Variants in CNTNAP4 observed in about 807,000 individuals in gnomAD.
CNTNAP4 encodes the protein contactin associated protein family member 4, also known as contactin-associated protein-like 4.
CNTNAP4 carries 98 observed loss-of-function variants against 148.4 expected under a neutral mutation model. That is an observed-to-expected ratio of 0.66 (90% confidence interval 0.56 to 0.78). CNTNAP4 has a LOEUF of 0.78. Among genes scored for constraint, CNTNAP4 ranks in the 30% least tolerant of loss-of-function variants. The pLI is 0.00. For synonymous variants in CNTNAP4, 730 were observed against 565.1 expected, an observed-to-expected ratio of 1.29 and a Z score of -4.14; for missense variants, 1,935 against 1,565.6, an observed-to-expected ratio of 1.24 and a Z score of -3.98.
intron 3 of CNTNAP4, among the ~76,000 whole-genome samples, chr16:76,424,750 C>T (rs1387247696): frequency 2.1e-5 from 3 of 142,196 alleles, no homozygotes; most frequent in Non-Finnish European, 4.6e-5. Context: ...CAGAGTGAGA[C>T]TCGGTCTAAA....
intron 15 of CNTNAP4, among the ~76,000 whole-genome samples, chr16:76,501,929 C>T (rs1207555974): frequency 2.0e-5 from 3 of 151,992 alleles, no homozygotes; most frequent in Non-Finnish European, 4.4e-5. Context: ...ATTAGCCGGG[C>T]GTAGTGGCGG....
chr16:76,519,048 C>T lies in CNTNAP4; in HGVS notation c.2366-2092C>T, dbSNP rs537475908. 2.0e-5 allele frequency among the ~76,000 whole-genome samples: 3 copies of T among 152,236 alleles called. No individual in the cohort carries two copies. The South Asian group carries it at 6.2e-4, about 32-fold the overall frequency. The stretch of plus-strand genomic sequence containing the variant: ...GTGGCCCAGATTCTGGTGGGTGTCT[C>T]TTAGCACAGGGGGTAAAGGGCTGGG... On this transcript the variant is annotated intron_variant, in intron 15 of 23. Transcript: ENST00000611870.
At chr16:76,348,186 C>G (rs982744048) in intron 2 of CNTNAP4, among the ~76,000 whole-genome samples, 3 of 149,564 alleles carry the variant, frequency 2.0e-5, no homozygotes, top group Non-Finnish European at 3.0e-5. Flanking sequence ...TCAAGCGTGA[C>G]TCTTTTTTTT....
At chr16:76,286,836 T>A (rs1215712907) in intron 1 of CNTNAP4, among the ~76,000 whole-genome samples, 1 of 152,236 alleles carries the variant, frequency 6.6e-6, no homozygotes, top group Non-Finnish European at 1.5e-5. Context: ...TTATAATACA[T>A]ATTTACATTT....
chr16:76,447,336 A>ATG (rs1014765105), intron 4 of CNTNAP4, among the ~76,000 whole-genome samples: 1 of 93,470 alleles, frequency 1.1e-5, no homozygotes, highest in African/African-American at 3.2e-5. Flanking sequence ...ATATGAAATT[A>ATG]TGTATATATA....
chr16:76,411,204 A>T (rs986662939), intron 3 of CNTNAP4, among the ~76,000 whole-genome samples: 14 of 151,466 alleles, frequency 9.2e-5, no homozygotes, highest in African/African-American at 3.4e-4. Context: ...AATAAACTGG[A>T]TATTTATTTT....
chr16:76,348,372 T>G (rs1349439705), intron 2 of CNTNAP4, among the ~76,000 whole-genome samples: 1 of 151,976 alleles, frequency 6.6e-6, no homozygotes, highest in African/African-American at 2.4e-5. Flanking sequence ...GGCAGATTTA[T>G]GAATAAGGGA....
intron 7 of CNTNAP4, 125 bp from the exon 8 acceptor site, chr16:76,452,383 C>T (rs1176857062): frequency 4.6e-6 from 4 of 869,708 alleles, no homozygotes; most frequent in Admixed American, 2.3e-5. Flanking sequence ...TTTGGACTGT[C>T]ATGTTGATAG....
Position 76,489,702 on chromosome 16 carries a change from C to T in CNTNAP4, c.1899C>T (p.Ile633=), listed in dbSNP as rs771949676. The part of the protein sequence containing the change: ...YCNMTETAWT[I]IQHNGSDLTR... Reference sequence around the variant, plus strand: ...GCATACAAGAAACTGCATGGACCATCATACAGCACAACGGCTCTGACTTAA... The same window carrying T: ...GCATACAAGAAACTGCATGGACCATTATACAGCACAACGGCTCTGACTTAA... Residue 633 remains isoleucine, a synonymous_variant, in exon 13 of 24, where the codon ATC becomes ATT. Transcript: ENST00000611870. 1.9e-6 allele frequency: 3 copies of T among 1,595,126 alleles called. No homozygotes were observed. The South Asian group carries it at 3.4e-5, about 18-fold the overall frequency.
chr16:76,502,234 A>G (rs1260482974), intron 15 of CNTNAP4, among the ~76,000 whole-genome samples: 1 of 151,692 alleles, frequency 6.6e-6, no homozygotes, highest in African/African-American at 2.4e-5. Context: ...TGCATGAAGG[A>G]CTAAGGACTA....
chr16:76,553,820 TG>T lies in CNTNAP4; in HGVS notation c.3662-15del. The stretch of plus-strand genomic sequence containing the variant: ...TGCCTATATCACCTTCCCCCTTTGT[TG>T]TGCTTTAACTGCAGATCATTCTGGA... On this transcript the variant is annotated splice_polypyrimidine_tract_variant and intron_variant, in intron 22 of 23. Coordinates refer to ENST00000611870, the MANE Select transcript of CNTNAP4 (RefSeq NM_033401.5). 1 of 1,583,748 alleles carries T rather than the reference TG, an allele frequency of 6.3e-7. No individual in the cohort carries two copies.
At chr16:76,470,034 C>T (rs2081309159) in intron 10 of CNTNAP4, among the ~76,000 whole-genome samples, 3 of 152,058 alleles carry the variant, frequency 2.0e-5, no homozygotes. Context: ...TTATGCTAAG[C>T]ACTTAAGATG....
intron 12 of CNTNAP4, among the ~76,000 whole-genome samples, chr16:76,486,406 A>G (rs1403202226): frequency 6.6e-6 from 1 of 152,228 alleles, no homozygotes; most frequent in East Asian, 1.9e-4. Flanking sequence ...TTAGGAACAC[A>G]GAAACAAATG....
chr16:76,328,075 A>G (rs919483189), intron 2 of CNTNAP4, among the ~76,000 whole-genome samples: 7 of 152,196 alleles, frequency 4.6e-5, no homozygotes, highest in Admixed American at 2.0e-4. Context: ...AATAATTTAT[A>G]TAGATTTTCT....
chr16:76,325,042 C>T (rs73620947), intron 2 of CNTNAP4, among the ~76,000 whole-genome samples: 5,626 of 152,108 alleles, frequency 0.037, 358 homozygotes, highest in African/African-American at 0.13. Context: ...AGCCAGCCCT[C>T]GGGGGCAAAG....
chr16:76,528,257 A>G (rs1597072043), intron 17 of CNTNAP4, among the ~76,000 whole-genome samples: 1 of 151,978 alleles, frequency 6.6e-6, no homozygotes, highest in Admixed American at 6.6e-5. Context: ...GTTTTTTGAG[A>G]TTAACATTTT....
chr16:76,319,548 T>C (rs1962186792), intron 2 of CNTNAP4, among the ~76,000 whole-genome samples: 2 of 152,106 alleles, frequency 1.3e-5, no homozygotes, highest in Admixed American at 1.3e-4. Flanking sequence ...AAGGTGACCT[T>C]ATTTGGACAT....
chr16:76,288,127 G>C (rs941550880), intron 1 of CNTNAP4, among the ~76,000 whole-genome samples: 1 of 152,006 alleles, frequency 6.6e-6, no homozygotes, highest in Non-Finnish European at 1.5e-5. Context: ...TACTGTTCTT[G>C]TTATAGTGAA....
At position 76,355,417 on chromosome 16, in the gene CNTNAP4, G is replaced by A. The variant is rs769681418; in HGVS notation, c.296G>A (p.Gly99Glu). ...GTCACCGCTGTGGCCACTCAAGGGG[G>A]ATATGGTAGCTCCAACTGGGTGACC... ...MEVTAVATQG[G>E]YGSSNWVTSY... The change falls in exon 3 of 24, where the codon GGA becomes GAA. Residue 99 changes from glycine (G) to glutamate (E), a missense_variant. Coordinates refer to ENST00000611870, the MANE Select transcript of CNTNAP4 (RefSeq NM_033401.5). 8 of 1,612,698 alleles carry A rather than the reference G, an allele frequency of 5.0e-6. No individual in the cohort carries two copies. In the South Asian group the frequency reaches 6.6e-5, roughly 13 times the overall value.
Sources: allele counts gnomAD v4.1 joint callset (sites outside exome capture counted in the v4.1 genomes callset), GRCh38; gene constraint gnomAD v4.1.1; transcripts MANE v1.5; gene names NCBI Gene and HGNC (gene_info 2026-07-23, HGNC 2026-07-21).